The following YLPM1 variants were observed in gnomAD, a reference collection of about 807,000 sequenced individuals.
YLPM1 encodes the protein YLP motif-containing protein 1.
In YLPM1, 99 loss-of-function variants were observed where a neutral mutation model predicts 230.0. That is an observed-to-expected ratio of 0.43 (90% CI 0.37 to 0.51). YLPM1 has a LOEUF of 0.51. Among genes scored for constraint, YLPM1 ranks in the 20% least tolerant of loss-of-function variants. The pLI is 0.00. For synonymous variants in YLPM1, 984 were observed against 942.5 expected (o/e 1.04, Z -0.81); for missense variants, 2,592 against 2,707.7 (o/e 0.96, Z 0.95).
At chr14:74,765,684 C>T (rs2140064350) in intron 1 of YLPM1, among the ~76,000 whole-genome samples, 1 of 152,332 alleles carries the variant, frequency 6.6e-6, no homozygotes, top group Non-Finnish European at 1.5e-5. Context: ...CTCTACTAGA[C>T]TGTTTTTCTG....
At chr14:74,766,434 G>A (rs1484192509) in intron 1 of YLPM1, among the ~76,000 whole-genome samples, 1 of 152,052 alleles carries the variant, frequency 6.6e-6, no homozygotes, top group African/African-American at 2.4e-5. Context: ...AGATTCAACA[G>A]CTATCAAGAT....
rs2090881723 is a variant in YLPM1, at chr14:74,764,021, A to T, written c.532A>T (p.Thr178Ser). The T allele has an allele frequency of 6.8e-7, 1 of 1,481,186 alleles. No homozygotes were observed. Among genetic ancestry groups the T allele is most frequent in the Non-Finnish European group, 9.1e-7 (1 of 1,100,274 alleles). 91.8% of individuals were successfully genotyped at this position (1,481,186 alleles called of 1,614,324 possible). The change falls in exon 1 of 21, where the codon ACC becomes TCC. Residue 178 changes from threonine to serine, a missense_variant. Around this residue, in one of 4 missense-constraint regions of YLPM1, gnomAD observed 1,862 missense variants for 1,819.8 expected, o/e 1.02. Coordinates refer to ENST00000325680, the MANE Select transcript of YLPM1 (RefSeq NM_019589.3). ...GCCGCCACCCTCTTACTACCCCCCGACCTCATCTCAGCCCTACCTGCCTCC... is the reference window on the plus strand; with the variant it reads ...GCCGCCACCCTCTTACTACCCCCCGTCCTCATCTCAGCCCTACCTGCCTCC... Reference protein sequence around the residue: ...PQPPPSYYPPTSSQPYLPPAQ... With the variant: ...PQPPPSYYPPSSSQPYLPPAQ...
At chr14:74,831,241 T>C (rs1007501212) in intron 19 of YLPM1, among the ~76,000 whole-genome samples, 3 of 152,252 alleles carry the variant, frequency 2.0e-5, no homozygotes, top group Non-Finnish European at 4.4e-5. Context: ...GTGTACTTAG[T>C]AATGGGCACC....
chr14:74,797,830 G>A lies in YLPM1; in HGVS notation c.2533G>A (p.Gly845Arg). Residue 845 changes from glycine to arginine, a missense_variant, in exon 5 of 21, where the codon GGA becomes AGA. Around this residue, in one of 4 missense-constraint regions of YLPM1, gnomAD observed 1,862 missense variants for 1,819.8 expected, o/e 1.02. Transcript: ENST00000325680. ...GTGGAAAGGCCCCAAACCAGCTTTT[G>A]GACAGCAGCATCAGCAGCAACCTAA... ...PQWKGPKPAF[G>R]QQHQQQPKSQ... The A allele has an allele frequency of 6.2e-7, 1 of 1,613,922 alleles. No homozygotes were observed. Among genetic ancestry groups the A allele is most frequent in the East Asian group, 2.2e-5 (1 of 44,878 alleles).
chr14:74,775,364 A>C, intron 1 of YLPM1, among the ~76,000 whole-genome samples: 1 of 152,320 alleles, frequency 6.6e-6, no homozygotes, highest in Non-Finnish European at 1.5e-5. Context: ...TAGGTAACAA[A>C]TCAGTATGTT....
At position 74,802,530 on chromosome 14, in the gene YLPM1, A is replaced by G. The variant is rs139100773; in HGVS notation, c.4401-26A>G. On this transcript the variant is annotated intron_variant, in intron 5 of 20. Coordinates refer to ENST00000325680, the MANE Select transcript of YLPM1 (RefSeq NM_019589.3). The stretch of plus-strand genomic sequence containing the variant: ...GGAATGGAATAAGCATGCTTTATGT[A>G]CTATGTCAATTTTATTTGTTTGCAG... The G allele has an allele frequency of 1.1e-4, 175 of 1,604,026 alleles. 3 individuals carry two copies. The East Asian group carries it at 3.7e-3, about 34-fold the overall frequency.
intron 4 of YLPM1, among the ~76,000 whole-genome samples, chr14:74,792,891 T>C (rs1308318632): frequency 6.6e-6 from 1 of 152,148 alleles, no homozygotes; most frequent in Non-Finnish European, 1.5e-5. Flanking sequence ...TAAGGAAGTG[T>C]GGGTGAGGGG....
intron 4 of YLPM1, among the ~76,000 whole-genome samples, chr14:74,788,718 C>A (rs148810285): frequency 7.7e-4 from 117 of 152,118 alleles, no homozygotes; most frequent in African/African-American, 2.6e-3. Flanking sequence ...TGGCATGTGC[C>A]TGTGGTCCCA....
chr14:74,828,788 T>C (rs2091586456), intron 18 of YLPM1, among the ~76,000 whole-genome samples: 1 of 152,166 alleles, frequency 6.6e-6, no homozygotes, highest in Non-Finnish European at 1.5e-5. Flanking sequence ...CTGCTTTTCA[T>C]ATGACACAGT....
chr14:74,820,593 G>A (rs1311741396), intron 16 of YLPM1, among the ~76,000 whole-genome samples: 10 of 152,154 alleles, frequency 6.6e-5, no homozygotes, highest in Admixed American at 6.5e-4. Context: ...AGTCAAGAAA[G>A]TTTAGTCAGT....
Position 74,835,328 on chromosome 14 carries a change from G to A in YLPM1, c.6358G>A (p.Val2120Ile), listed in dbSNP as rs969180580. ...ADRKRAIGFV[V>I]GQTDWEKITD... ...TAGGAAAAGGGCCATAGGTTTTGTG[G>A]TCGGACAGACTGATTGGGAGAAGAT... Residue 2120 changes from valine (V) to isoleucine (I), a missense_variant, in exon 20 of 21, where the codon GTC becomes ATC. Transcript: ENST00000325680. 6.2e-7 allele frequency: 1 copy of A among 1,613,774 alleles called. No individual in the cohort carries two copies. Among genetic ancestry groups the A allele is most frequent in the Middle Eastern group, 1.7e-4 (1 of 6,056 alleles).
In YLPM1 at chr14:74,817,062, G is replaced by A. The variant is rs781083573; in HGVS notation, c.5817G>A (p.Arg1939=). 6.2e-7 allele frequency: 1 copy of A among 1,610,674 alleles called. No homozygotes were observed. Among genetic ancestry groups the A allele is most frequent in the Non-Finnish European group, 8.5e-7 (1 of 1,178,804 alleles). The change falls in exon 14 of 21, where the codon AGG becomes AGA. Residue 1939 remains arginine (R), a synonymous_variant. Coordinates refer to ENST00000325680, the MANE Select transcript of YLPM1 (RefSeq NM_019589.3). The stretch of plus-strand genomic sequence containing the variant: ...TGGATGCCATCAATGACAGAGTTAG[G>A]CATTTTGACCAGTTTTGGAGTGCAG... ...IILDAINDRV[R]HFDQFWSAAK... is the part of the protein sequence containing the mutation.
intron 2 of YLPM1, among the ~76,000 whole-genome samples, chr14:74,779,564 T>C (rs1364656388): frequency 6.6e-6 from 1 of 152,138 alleles, no homozygotes; most frequent in Non-Finnish European, 1.5e-5. Context: ...ATGGTTATAT[T>C]GTAGTCCATT....
chr14:74,783,824 A>C (rs1394796220), intron 4 of YLPM1, among the ~76,000 whole-genome samples: 1 of 152,198 alleles, frequency 6.6e-6, no homozygotes, highest in African/African-American at 2.4e-5. Context: ...ACACATTATT[A>C]TCTCATGGAA....
chr14:74,815,378 A>T (rs1236711770), intron 11 of YLPM1, among the ~76,000 whole-genome samples: 1 of 151,984 alleles, frequency 6.6e-6, no homozygotes, highest in East Asian at 1.9e-4. Flanking sequence ...CCTGGTCAAC[A>T]CGGTGAAACC....
chr14:74,781,689 C>T lies in YLPM1; in HGVS notation c.1646C>T (p.Pro549Leu), dbSNP rs768086404. ...PPSLPPPVMPPALPATVPPPG... is the reference protein window; with the variant it reads ...PPSLPPPVMPLALPATVPPPG... ...TCATTGCCACCACCAGTGATGCCCC[C>T]TGCCCTCCCTGCTACAGTGCCACCA... is the stretch of plus-strand genomic sequence containing the variant. The change falls in exon 4 of 21, where the codon CCT becomes CTT. Residue 549 changes from proline (P) to leucine (L), a missense_variant. This residue lies in a region of YLPM1 where 1,862 missense variants were observed against 1,819.8 expected (regional missense o/e 1.02). Coordinates refer to ENST00000325680, the MANE Select transcript of YLPM1 (RefSeq NM_019589.3). 3.1e-6 allele frequency: 5 copies of T among 1,613,086 alleles called. No homozygotes were observed. In the East Asian group the frequency reaches 1.1e-4, roughly 36 times the overall value.
Position 74,809,461 on chromosome 14 carries a change from T to A in YLPM1, c.4603T>A (p.Ser1535Thr). 6.3e-7 allele frequency: 1 copy of A among 1,596,726 alleles called. No homozygotes were observed. Among genetic ancestry groups the A allele is most frequent in the Non-Finnish European group, 8.5e-7 (1 of 1,170,654 alleles). The part of the protein sequence containing the change: ...IVRPSAPPAR[S>T]SVPVTRPPVP... ...AAGACCCTCTGCTCCACCAGCAAGA[T>A]CATCTGTTCCTGTGACCAGGCCACC... The change falls in exon 7 of 21, where the codon TCA (serine) becomes ACA (threonine). Residue 1535 changes from serine to threonine, a missense_variant. Ser to Thr is a moderately conservative substitution (Grantham distance 58). This residue lies in a region of YLPM1 where 403 missense variants were observed against 426.7 expected (regional missense o/e 0.94). Coordinates refer to ENST00000325680, the MANE Select transcript of YLPM1 (RefSeq NM_019589.3).
chr14:74,805,650 C>G (rs1031604907), intron 6 of YLPM1, among the ~76,000 whole-genome samples: 1 of 151,704 alleles, frequency 6.6e-6, no homozygotes, highest in Non-Finnish European at 1.5e-5. Flanking sequence ...TGCACCCAGC[C>G]AACAGTGATT....
intron 16 of YLPM1, among the ~76,000 whole-genome samples, chr14:74,819,273 C>CTT (rs199554037): frequency 4.1e-4 from 49 of 119,766 alleles, no homozygotes; most frequent in African/African-American, 6.0e-4. Flanking sequence ...TGTCATTGTG[C>CTT]TTTTTTTTTT....
Sources: allele counts gnomAD v4.1 joint callset (sites outside exome capture counted in the v4.1 genomes callset), GRCh38; gene constraint gnomAD v4.1.1; regional missense constraint gnomAD v4.1.1; transcripts MANE v1.5; gene names NCBI Gene and HGNC (gene_info 2026-07-23, HGNC 2026-07-21).